Variants in GALNT9 observed in about 807,000 individuals in gnomAD.
GALNT9 encodes GalNAc transferase 9.
Under a neutral mutation model 63.1 loss-of-function variants are expected in GALNT9, and 47 were observed. The observed-to-expected ratio is 0.75, with a 90% CI of 0.59 to 0.95. GALNT9 has a LOEUF of 0.95. Ranked by LOEUF, GALNT9 falls within the 40% of genes least tolerant of loss-of-function variation. GALNT9 has a pLI of 0.00. For missense variants in GALNT9, 829 were observed against 874.8 expected (o/e 0.95, Z 0.66); for synonymous variants, 396 against 365.7 (o/e 1.08, Z -0.94).
chr12:132,218,214 G>A (rs749071086), intron 6 of GALNT9, among the ~76,000 whole-genome samples: 4 of 152,198 alleles, frequency 2.6e-5, no homozygotes, highest in Non-Finnish European at 5.9e-5. Flanking sequence ...GTGCAAAGCT[G>A]TGTCATCAAG....
chr12:132,323,749 A>G (rs1310532532), intron 1 of GALNT9, among the ~76,000 whole-genome samples: 1 of 152,200 alleles, frequency 6.6e-6, no homozygotes, highest in African/African-American at 2.4e-5. Context: ...GGCCGTGGGT[A>G]GTAACTATTT....
chr12:132,250,664 A>T (rs1283799313), intron 5 of GALNT9, among the ~76,000 whole-genome samples: 1 of 152,100 alleles, frequency 6.6e-6, no homozygotes, highest in Non-Finnish European at 1.5e-5. Context: ...GGTGGTGTGC[A>T]CCTGTAATCC....
intron 1 of GALNT9, among the ~76,000 whole-genome samples, chr12:132,328,721 AT>A (rs1311582406): frequency 2.6e-5 from 4 of 152,198 alleles, no homozygotes; most frequent in Non-Finnish European, 5.9e-5. Flanking sequence ...AGTTTGCGTC[AT>A]TGTGGGGGCA....
chr12:132,311,734 G>A (rs1292504232), intron 1 of GALNT9, among the ~76,000 whole-genome samples: 3 of 152,068 alleles, frequency 2.0e-5, no homozygotes, highest in African/African-American at 7.2e-5. Context: ...CCTGTTTGTA[G>A]TGAGGGAACC....
rs1255713196 is a variant in GALNT9 at position 132,327,889 on chromosome 12, C to A, written c.238+1077G>T. Among the ~76,000 whole-genome samples the A allele has an allele frequency of 2.0e-5, 3 of 151,796 alleles. No individual in the cohort carries two copies. Among genetic ancestry groups the A allele is most frequent in the Non-Finnish European group, 2.9e-5 (2 of 67,944 alleles). ...CTGAAGGAAACGCAAGACCACCCCC[C>A]GCCTTTGCCCCCACACACAGCAGGC... On this transcript the variant is annotated intron_variant, in intron 1 of 10. Transcript: ENST00000328957. This position sits in a 1 kb window ranked among gnomAD's most constrained non-coding sequence, Gnocchi z 4.3.
rs117672936 is a variant in GALNT9, at chr12:132,243,381, C to G, written c.1077+4529G>C. Among the ~76,000 whole-genome samples, 7 of 149,112 alleles carry G rather than the reference C, an allele frequency of 4.7e-5. No homozygotes were observed. The South Asian group carries it at 1.2e-3, about 25-fold the overall frequency. ...AGTGGCCTCAGTGTCCAGTCCTCCCCGTCCTCCGGAGCTCTCTCTGGTGGG... is the reference window on the plus strand; with the variant it reads ...AGTGGCCTCAGTGTCCAGTCCTCCCGGTCCTCCGGAGCTCTCTCTGGTGGG... On this transcript the variant is annotated intron_variant, in intron 6 of 10. Coordinates refer to ENST00000328957, the MANE Select transcript of GALNT9 (RefSeq NM_001122636.2).
chr12:132,210,756 G>T (rs960983677), intron 6 of GALNT9, among the ~76,000 whole-genome samples: 1 of 152,072 alleles, frequency 6.6e-6, no homozygotes, highest in African/African-American at 2.4e-5. Flanking sequence ...AGCCAAACTT[G>T]CACCAAAAAA....
intron 1 of GALNT9, among the ~76,000 whole-genome samples, chr12:132,305,014 G>A (rs191390045): frequency 1.7e-4 from 1 of 6,050 alleles, no homozygotes; most frequent in Non-Finnish European, 2.8e-4. Flanking sequence ...CATCCTCACC[G>A]GGGCACACCC....
At chr12:132,261,759 G>A (rs756971255) in intron 3 of GALNT9, among the ~76,000 whole-genome samples, 1 of 152,260 alleles carries the variant, frequency 6.6e-6, no homozygotes, top group African/African-American at 2.4e-5. Context: ...TTTCCAGAGG[G>A]AGTGTCACGG....
intron 6 of GALNT9, among the ~76,000 whole-genome samples, chr12:132,208,772 G>A (rs374675832): frequency 4.8e-4 from 73 of 152,282 alleles, no homozygotes; most frequent in African/African-American, 1.5e-3. Flanking sequence ...GTCTTAGGCC[G>A]CAACATTTCA....
chr12:132,222,966 A>C (rs1877521175), intron 6 of GALNT9, among the ~76,000 whole-genome samples: 1 of 134,378 alleles, frequency 7.4e-6, no homozygotes, highest in Non-Finnish European at 1.6e-5. Context: ...CACCCCACAC[A>C]ACCCGCACCC....
intron 6 of GALNT9, among the ~76,000 whole-genome samples, chr12:132,217,709 T>TATCCATTCATCCACACGCACTC (rs1481827346): frequency 6.8e-6 from 1 of 146,024 alleles, no homozygotes; most frequent in Admixed American, 6.8e-5. Flanking sequence ...AGCCACTATC[T>TATCCATTCATCCACACGCACTC]ATCCATTCAT....
At chr12:132,237,048 TCTC>T (rs1167567304) in intron 6 of GALNT9, among the ~76,000 whole-genome samples, 3 of 152,058 alleles carry the variant, frequency 2.0e-5, no homozygotes, top group Non-Finnish European at 2.9e-5. Context: ...CCACTGGACT[TCTC>T]CTCCATCTCT....
rs2136905603 is a variant in GALNT9 at position 132,243,478 on chromosome 12, A to C, written c.1077+4432T>G. Among the ~76,000 whole-genome samples, 51 of 116,820 alleles carry C rather than the reference A, an allele frequency of 4.4e-4. 1 individual carries two copies. The highest frequency in any genetic ancestry group is 8.8e-4 in the Non-Finnish European group (48 of 54,724). 76.6% of individuals were successfully genotyped at this position (116,820 alleles called of 152,430 possible). A position where few individuals can be genotyped will look rare whatever the true frequency, so the allele number is the denominator to read the frequency against. ...GCCCCACCTGGCCGACCTGAAGGTCAGGGCATCCACTCTTTGGGGAAACGA... is the reference window on the plus strand; with the variant it reads ...GCCCCACCTGGCCGACCTGAAGGTCCGGGCATCCACTCTTTGGGGAAACGA... On this transcript the variant is annotated intron_variant, in intron 6 of 10. Transcript: ENST00000328957.
chr12:132,293,799 T>G (rs1389964048), intron 1 of GALNT9, among the ~76,000 whole-genome samples: 3 of 127,938 alleles, frequency 2.3e-5, no homozygotes, highest in African/African-American at 8.0e-5. Flanking sequence ...AGCCGGGGGG[T>G]CCCGTATACA....
chr12:132,287,397 C>A (rs1423598512), intron 1 of GALNT9, among the ~76,000 whole-genome samples: 1 of 152,206 alleles, frequency 6.6e-6, no homozygotes. Context: ...GCCATGCCGC[C>A]GCCACCATCC....
chr12:132,204,120 C>T (rs906175254), intron 6 of GALNT9, among the ~76,000 whole-genome samples: 12 of 152,202 alleles, frequency 7.9e-5, no homozygotes, highest in Admixed American at 2.0e-4. Flanking sequence ...ATGCAGACAC[C>T]GCTCCACGCA....
chr12:132,297,253 C>G (rs1881108515), intron 1 of GALNT9, among the ~76,000 whole-genome samples: 2 of 149,928 alleles, frequency 1.3e-5, no homozygotes, highest in Non-Finnish European at 3.0e-5. Flanking sequence ...CTCGAGATAA[C>G]TAACTCACTC....
At position 132,197,258 on chromosome 12, in the gene GALNT9, G is replaced by GGGGACAGGCACATCAAGTCAGCCA; in HGVS notation, c.1666-29_1666-6dup. On this transcript the variant is annotated splice_polypyrimidine_tract_variant and splice_region_variant and intron_variant, in intron 10 of 10. Coordinates refer to ENST00000328957, the MANE Select transcript of GALNT9 (RefSeq NM_001122636.2). ...CCGGCTCACAATGGGGCCACTCTGT[G>GGGGACAGGCACATCAAGTCAGCCA]GGGACAGGCACATCAAGTCAGCCAG... The GGGGACAGGCACATCAAGTCAGCCA allele has an allele frequency of 6.2e-7, 1 of 1,611,172 alleles. No homozygotes were observed. Among genetic ancestry groups the GGGGACAGGCACATCAAGTCAGCCA allele is most frequent in the Non-Finnish European group, 8.5e-7 (1 of 1,179,880 alleles).
Sources: allele counts gnomAD v4.1 joint callset (sites outside exome capture counted in the v4.1 genomes callset), GRCh38; gene constraint gnomAD v4.1.1; non-coding constraint Gnocchi (gnomAD v3.1); transcripts MANE v1.5; gene names NCBI Gene and HGNC (gene_info 2026-07-23, HGNC 2026-07-21).